Variants in PCDHA7 observed in about 807,000 individuals in gnomAD.
The protein encoded by PCDHA7 is protocadherin alpha 7.
A neutral mutation model predicts 57.2 loss-of-function variants in PCDHA7; 37 were observed. The observed-to-expected ratio is 0.65, with a 90% CI of 0.50 to 0.85. The LOEUF is 0.85. PCDHA7 is among the 40% of genes least tolerant of loss of function. PCDHA7 has a pLI of 0.00. For missense variants in PCDHA7, 1,188 were observed against 1,241.8 expected, an observed-to-expected ratio of 0.96 and a Z score of 0.65; for synonymous variants, 553 against 558.8, an observed-to-expected ratio of 0.99 and a Z score of 0.15.
intron 1 of PCDHA7, among the ~76,000 whole-genome samples, chr5:140,978,326 G>A: frequency 6.6e-6 from 1 of 152,202 alleles, no homozygotes; most frequent in East Asian, 1.9e-4. Flanking sequence ...ACAAGTACAA[G>A]TTTATGAAAA....
At position 140,884,460 on chromosome 5, in the gene PCDHA7, C is replaced by T. The variant is rs782410675; in HGVS notation, c.2355+47722C>T. ...TGCTCGGCACCGCCCACCGAGGGCG[C>T]GTGCGCGCCGGGCAAGCCCACTCTA... On this transcript the variant is annotated intron_variant, in intron 1 of 3. Coordinates refer to ENST00000525929, the MANE Select transcript of PCDHA7 (RefSeq NM_018910.3). The T allele has an allele frequency of 2.5e-6, 4 of 1,613,730 alleles. No homozygotes were observed. The highest frequency in any genetic ancestry group is 3.3e-5 in the Admixed American group (2 of 59,998).
At chr5:140,937,332 C>A (rs1003482242) in intron 1 of PCDHA7, among the ~76,000 whole-genome samples, 1 of 152,094 alleles carries the variant, frequency 6.6e-6, no homozygotes, top group Non-Finnish European at 1.5e-5. Flanking sequence ...CCACCGCGCC[C>A]GGCTTCTTCC....
chr5:140,884,096 G>T (rs782587372), intron 1 of PCDHA7: 1 of 1,613,580 alleles, frequency 6.2e-7, no homozygotes, highest in Non-Finnish European at 8.5e-7. Flanking sequence ...GCTTTCGTAT[G>T]AATTGCAGCT....
In PCDHA7 at chr5:141,011,713, T is replaced by G. The variant is rs1198989870; in HGVS notation, c.*1776T>G. 6.5e-6 allele frequency: 1 copy of G among 153,774 alleles called. No individual in the cohort carries two copies. The highest frequency in any genetic ancestry group is 1.5e-5 in the Non-Finnish European group (1 of 68,048). 9.5% of individuals were successfully genotyped at this position (153,774 alleles called of 1,614,324 possible). On this transcript the variant is annotated 3_prime_UTR_variant, in exon 4 of 4. Coordinates refer to ENST00000525929, the MANE Select transcript of PCDHA7 (RefSeq NM_018910.3). Reference sequence around the variant, plus strand: ...ATTTTGGAATGAATACTGACAATATTCCATGAGGGTGTGCAAGCACAAATT... The same window carrying G: ...ATTTTGGAATGAATACTGACAATATGCCATGAGGGTGTGCAAGCACAAATT...
intron 1 of PCDHA7, chr5:140,967,430 T>C (rs1554229552): frequency 1.2e-6 from 2 of 1,613,482 alleles, no homozygotes; most frequent in East Asian, 4.5e-5. Context: ...GCAGGCAGCC[T>C]TGCACCACCT....
intron 1 of PCDHA7, among the ~76,000 whole-genome samples, chr5:140,895,531 A>T (rs1433375510): frequency 6.6e-6 from 1 of 152,016 alleles, no homozygotes; most frequent in Non-Finnish European, 1.5e-5. Flanking sequence ...TTCGTTTTTC[A>T]ATTGTTGAGT....
At position 140,856,560 on chromosome 5, in the gene PCDHA7, T is replaced by G. The variant is rs782375648; in HGVS notation, c.2355+19822T>G. 94 of 1,597,798 alleles carry G rather than the reference T, an allele frequency of 5.9e-5. 1 individual carries two copies. ...GAGAACGCATTGCTTACTTACAAAC[T>G]CAGTCCAAATGAGTATTTTGTTCTT... On this transcript the variant is annotated intron_variant, in intron 1 of 3. Transcript: ENST00000525929.
At chr5:140,997,099 A>G (rs1554255700) in intron 3 of PCDHA7, among the ~76,000 whole-genome samples, 6 of 152,108 alleles carry the variant, frequency 3.9e-5, no homozygotes. Context: ...CAGAGTTCTC[A>G]TGCACTCCTG....
intron 1 of PCDHA7, chr5:140,877,773 G>A (rs1554170103): frequency 2.5e-6 from 4 of 1,614,166 alleles, no homozygotes; most frequent in South Asian, 2.2e-5. Flanking sequence ...CGCCCAAGAC[G>A]GACCTCATGG....
At chr5:140,909,872 G>A (rs1245615872) in intron 1 of PCDHA7, among the ~76,000 whole-genome samples, 2 of 152,182 alleles carry the variant, frequency 1.3e-5, no homozygotes, top group African/African-American at 4.8e-5. Flanking sequence ...GTCAACGTCA[G>A]CTTAGAGACA....
intron 1 of PCDHA7, among the ~76,000 whole-genome samples, chr5:140,880,149 A>G (rs1347832078): frequency 1.3e-5 from 2 of 152,266 alleles, no homozygotes; most frequent in Non-Finnish European, 2.9e-5. Flanking sequence ...AGTGCAATAT[A>G]TCAAGTATAT....
rs782133089 is a variant in PCDHA7, at chr5:140,924,894, CAAA to C, written c.2356-54046_2356-54044del. Reference sequence around the variant, plus strand: ...TGGGTGACAGAGCAAGAACCTGTCTCAAAAAAAAAAATAAAATAAAATAAAATA... The same window carrying C: ...TGGGTGACAGAGCAAGAACCTGTCTCAAAAAAAATAAAATAAAATAAAATA... On this transcript the variant is annotated intron_variant, in intron 1 of 3. Transcript: ENST00000525929. Among the ~76,000 whole-genome samples the C allele has an allele frequency of 6.8e-3, 488 of 71,480 alleles. 13 individuals carry two copies. Among genetic ancestry groups the C allele is most frequent in the East Asian group, 0.051 (79 of 1,534 alleles). The allele number at this position is 71,480 out of a possible 152,430, so 46.9% of individuals were successfully genotyped here. A position where few individuals can be genotyped will look rare whatever the true frequency, so the allele number is the denominator to read the frequency against.
chr5:140,857,662 T>C lies in PCDHA7; in HGVS notation c.2355+20924T>C, dbSNP rs782577621. The C allele has an allele frequency of 7.5e-6, 12 of 1,596,412 alleles. 2 individuals are homozygous for C. The highest frequency in any genetic ancestry group is 6.7e-5 in the African/African-American group (5 of 74,166). On this transcript the variant is annotated intron_variant, in intron 1 of 3. Transcript: ENST00000525929. ...TACAGTTCCAGGTGAGCGCGCGCGA[T>C]GGGGGCGTGCCGCCTCTGGGCAGCA...
At chr5:140,994,125 C>T (rs1007264886) in intron 3 of PCDHA7, among the ~76,000 whole-genome samples, 6 of 152,044 alleles carry the variant, frequency 3.9e-5, no homozygotes, top group African/African-American at 9.7e-5. Flanking sequence ...GTGATAAGGG[C>T]GACAATAATG....
At chr5:140,856,696 A>C (rs2044153599) in intron 1 of PCDHA7, 1 of 1,596,642 alleles carries the variant, frequency 6.3e-7, no homozygotes, top group Non-Finnish European at 8.6e-7. Flanking sequence ...CAACTGATGG[A>C]GGCAAACCTG....
rs150518215 is a variant in PCDHA7, at chr5:140,883,444, T to G, written c.2355+46706T>G. On this transcript the variant is annotated intron_variant, in intron 1 of 3. Transcript: ENST00000525929. ...AGGTCACCTGCACCTTGACGCCGCATGTCCCCTTCAAGCTGGTGTCCACCT... is the reference window on the plus strand; with the variant it reads ...AGGTCACCTGCACCTTGACGCCGCAGGTCCCCTTCAAGCTGGTGTCCACCT... The G allele has an allele frequency of 2.5e-6, 4 of 1,614,052 alleles. No individual in the cohort carries two copies. In the African/African-American group the frequency reaches 4.0e-5, roughly 16 times the overall value.
intron 1 of PCDHA7, among the ~76,000 whole-genome samples, chr5:140,899,326 T>G (rs1203153086): frequency 6.6e-6 from 1 of 152,230 alleles, no homozygotes; most frequent in Non-Finnish European, 1.5e-5. Flanking sequence ...TGGCTGTGGG[T>G]TTGTCATAGA....
In PCDHA7 at chr5:140,945,865, A is replaced by T. The variant is rs184952981; in HGVS notation, c.2356-33084A>T. ...ATTAAAGACTTAAACATAGACCTGAAATTGTAAAACTAACAAAGAAAACAC... is the reference window on the plus strand; with the variant it reads ...ATTAAAGACTTAAACATAGACCTGATATTGTAAAACTAACAAAGAAAACAC... On this transcript the variant is annotated intron_variant, in intron 1 of 3. Coordinates refer to ENST00000525929, the MANE Select transcript of PCDHA7 (RefSeq NM_018910.3). Among the ~76,000 whole-genome samples, 23 of 152,290 alleles carry T rather than the reference A, an allele frequency of 1.5e-4. No individual in the cohort carries two copies. The East Asian group carries it at 4.2e-3, about 28-fold the overall frequency.
intron 1 of PCDHA7, chr5:140,968,014 A>G: frequency 6.2e-7 from 1 of 1,614,194 alleles, no homozygotes; most frequent in Non-Finnish European, 8.5e-7. Flanking sequence ...ATGGCTTTGG[A>G]AACTCCTATA....
Sources: gnomAD v4.1 joint callset for allele counts (sites outside exome capture counted in the v4.1 genomes callset) on GRCh38, gnomAD v4.1.1 for gene constraint, MANE v1.5 for transcripts, NCBI Gene and HGNC (gene_info 2026-07-23, HGNC 2026-07-21) for gene names.